The following CRTAP variants were observed in gnomAD, a reference collection of about 807,000 sequenced individuals.
The protein encoded by CRTAP is cartilage associated protein.
A neutral mutation model predicts 42.7 loss-of-function variants in CRTAP; 33 were observed. The ratio of observed to expected loss-of-function variants is 0.77; its 90% CI spans 0.59 to 1.03. The LOEUF is 1.03. CRTAP is among the 50% of genes least tolerant of loss of function. CRTAP has a pLI of 0.00. For synonymous variants in CRTAP, 243 were observed against 217.7 expected (o/e 1.12, Z -1.02); for missense variants, 613 against 533.9 (o/e 1.15, Z -1.46).
chr3:33,134,660 C>T (rs2030370447), intron 6 of CRTAP, among the ~76,000 whole-genome samples: 1 of 152,198 alleles, frequency 6.6e-6, no homozygotes, highest in African/African-American at 2.4e-5. Context: ...TGCATCTTTA[C>T]TGTAAGCATT....
intron 3 of CRTAP, among the ~76,000 whole-genome samples, chr3:33,127,247 A>T (rs944199456): frequency 6.6e-6 from 1 of 151,704 alleles, no homozygotes; most frequent in Non-Finnish European, 1.5e-5. Context: ...CACAGTATAG[A>T]TATATAGATA....
At chr3:33,129,758 G>C (rs188802874) in intron 3 of CRTAP, among the ~76,000 whole-genome samples, 181 bp from the exon 4 acceptor site, 1 of 151,766 alleles carries the variant, frequency 6.6e-6, no homozygotes, top group Non-Finnish European at 1.5e-5. Context: ...GGATGGTCTC[G>C]ATCCTCCTGA....
Position 33,143,333 on chromosome 3 carries a change from G to T in CRTAP, c.*885G>T, listed in dbSNP as rs1273543680. On this transcript the variant is annotated 3_prime_UTR_variant, in exon 7 of 7. Coordinates refer to ENST00000320954, the MANE Select transcript of CRTAP (RefSeq NM_006371.5). ...TAGCACCCACTGAAAAACAAGTTGAGTAGAGAGTGTAGAGTGCAGAAATGT... is the reference window on the plus strand; with the variant it reads ...TAGCACCCACTGAAAAACAAGTTGATTAGAGAGTGTAGAGTGCAGAAATGT... 6.6e-6 allele frequency: 1 copy of T among 152,236 alleles called. No homozygotes were observed. 9.4% of individuals were successfully genotyped at this position (152,236 alleles called of 1,614,324 possible). A position where few individuals can be genotyped will look rare whatever the true frequency, so the allele number is the denominator to read the frequency against.
chr3:33,136,669 G>C (rs1229031000), intron 6 of CRTAP, among the ~76,000 whole-genome samples: 2 of 152,160 alleles, frequency 1.3e-5, no homozygotes, highest in Admixed American at 1.3e-4. Flanking sequence ...GGAAGCTTAT[G>C]GTCATGGCAA....
At chr3:33,137,972 C>T (rs2030470550) in intron 6 of CRTAP, among the ~76,000 whole-genome samples, 1 of 152,164 alleles carries the variant, frequency 6.6e-6, no homozygotes, top group Non-Finnish European at 1.5e-5. Context: ...ATTGAATTGT[C>T]TTGGTACCCT....
In CRTAP at chr3:33,132,981, G is replaced by A. The variant is rs536610914; in HGVS notation, c.1068+281G>A. ...TAGTCCCAGCTACTTGGGAGGCTGA[G>A]GCAGAAGAATCGCTTGAACCCAGGG... On this transcript the variant is annotated intron_variant, in intron 5 of 6. Transcript: ENST00000320954. Among the ~76,000 whole-genome samples the A allele has an allele frequency of 5.9e-4, 63 of 106,530 alleles. 1 individual carries two copies. The highest frequency in any genetic ancestry group is 2.2e-3 in the African/African-American group (54 of 24,274). The allele number at this position is 106,530 out of a possible 152,430, so 69.9% of individuals were successfully genotyped here. A position where few individuals can be genotyped will look rare whatever the true frequency, so the allele number is the denominator to read the frequency against.
At chr3:33,124,379 A>T in intron 2 of CRTAP, 29 bp from the exon 3 acceptor site, 1 of 1,613,272 alleles carries the variant, frequency 6.2e-7, no homozygotes, top group Non-Finnish European at 8.5e-7. Flanking sequence ...CCCAAGAGCG[A>T]GCTTCACTGG....
Position 33,114,565 on chromosome 3 carries a change from C to T in CRTAP, c.471+17C>T, listed in dbSNP as rs1416270960. The T allele has an allele frequency of 2.6e-6, 4 of 1,560,548 alleles. 1 individual carries two copies. The South Asian group carries it at 4.7e-5, about 18-fold the overall frequency. Reference sequence around the variant, plus strand: ...TACTTCAAGGCAAGTCCGCCTCGCCCCGTCCCAGGCCCCGGCCCCGCCCCT... The same window carrying T: ...TACTTCAAGGCAAGTCCGCCTCGCCTCGTCCCAGGCCCCGGCCCCGCCCCT... On this transcript the variant is annotated intron_variant, in intron 1 of 6. Coordinates refer to ENST00000320954, the MANE Select transcript of CRTAP (RefSeq NM_006371.5).
In CRTAP at chr3:33,114,051, C is replaced by T. The variant is rs1047604850; in HGVS notation, c.-27C>T. 1.1e-5 allele frequency: 15 copies of T among 1,356,538 alleles called. No homozygotes were observed. In the African/African-American group the frequency reaches 2.1e-4, roughly 19 times the overall value. 84.0% of individuals were successfully genotyped at this position (1,356,538 alleles called of 1,614,324 possible). On this transcript the variant is annotated 5_prime_UTR_variant, in exon 1 of 7. Coordinates refer to ENST00000320954, the MANE Select transcript of CRTAP (RefSeq NM_006371.5). Reference sequence around the variant, plus strand: ...CCTCCCCTTTTCCCTTCCTTCGTCCCTTCCTTCCTTCCTTTCGCCGGGCGC... The same window carrying T: ...CCTCCCCTTTTCCCTTCCTTCGTCCTTTCCTTCCTTCCTTTCGCCGGGCGC...
At chr3:33,134,039 T>G in intron 5 of CRTAP, 143 bp from the exon 6 acceptor site, 1 of 690,990 alleles carries the variant, frequency 1.4e-6, no homozygotes, top group Non-Finnish European at 2.7e-6. Context: ...GTTAGTATAT[T>G]CAGAGTTGTA....
chr3:33,114,955 T>G (rs183155563), intron 1 of CRTAP, among the ~76,000 whole-genome samples: 7 of 152,306 alleles, frequency 4.6e-5, no homozygotes, highest in Admixed American at 2.6e-4. Context: ...TTTATTTTTA[T>G]TTTTTGTTGA....
intron 6 of CRTAP, among the ~76,000 whole-genome samples, chr3:33,135,724 TTTA>T (rs1276984098): frequency 3.3e-5 from 5 of 152,108 alleles, no homozygotes; most frequent in African/African-American, 7.2e-5. Flanking sequence ...TTTCCATTTT[TTTA>T]TTATTAAAGA....
chr3:33,116,546 A>G (rs1175804225), intron 1 of CRTAP, among the ~76,000 whole-genome samples: 1 of 152,098 alleles, frequency 6.6e-6, no homozygotes, highest in African/African-American at 2.4e-5. Flanking sequence ...TTTAGTAGAG[A>G]TGGGGTTTCA....
intron 6 of CRTAP, 120 bp downstream of exon 6, chr3:33,134,385 A>G: frequency 1.3e-6 from 1 of 746,048 alleles, no homozygotes; most frequent in Non-Finnish European, 2.4e-6. Context: ...ACCTTGAGAA[A>G]GACAGTTCCT....
intron 5 of CRTAP, among the ~76,000 whole-genome samples, chr3:33,133,238 G>T (rs1240643643): frequency 6.7e-6 from 1 of 148,260 alleles, no homozygotes; most frequent in East Asian, 2.0e-4. Context: ...AAATTCTCTC[G>T]TAATCCTACA....
In CRTAP at chr3:33,132,548, A is replaced by G. The variant is rs747344179; in HGVS notation, c.923-7A>G. 6.2e-7 allele frequency: 1 copy of G among 1,613,664 alleles called. No individual in the cohort carries two copies. ...TTTCTTCATTTGTCTTTTCTTCCCA[A>G]CCCTAGTGAACGACCTGAAGAATGC... is the stretch of plus-strand genomic sequence containing the variant. On this transcript the variant is annotated splice_polypyrimidine_tract_variant and splice_region_variant and intron_variant, in intron 4 of 6. Transcript: ENST00000320954.
rs116519163 is a variant in CRTAP, at chr3:33,124,542, G to C, written c.756G>C (p.Glu252Asp). ...TCGCAGCCTGCGAGGGTTCCAGGGA[G>C]ATCAAGGACTTCAAGGATTTCTACC... is the stretch of plus-strand genomic sequence containing the variant. ...ECLAACEGSR[E>D]IKDFKDFYLS... The change falls in exon 3 of 7, where the codon GAG (glutamate) becomes GAC (aspartate). Residue 252 changes from glutamate to aspartate, a missense_variant. Transcript: ENST00000320954. The C allele has an allele frequency of 1.7e-5, 28 of 1,614,122 alleles. No individual in the cohort carries two copies. Among genetic ancestry groups the C allele is most frequent in the Non-Finnish European group, 2.3e-5 (27 of 1,180,046 alleles).
intron 3 of CRTAP, among the ~76,000 whole-genome samples, chr3:33,125,752 T>C (rs1162915938): frequency 2.0e-5 from 3 of 152,202 alleles, no homozygotes; most frequent in Admixed American, 6.5e-5. Context: ...AAGGACTCTT[T>C]GTTTTTTAAA....
At chr3:33,116,024 T>G (rs78549626) in intron 1 of CRTAP, among the ~76,000 whole-genome samples, 2 of 152,212 alleles carry the variant, frequency 1.3e-5, no homozygotes, top group East Asian at 3.8e-4. Context: ...TTTTTTAAGC[T>G]AAAAATGACT....
Sources: allele counts gnomAD v4.1 joint callset (sites outside exome capture counted in the v4.1 genomes callset), GRCh38; gene constraint gnomAD v4.1.1; transcripts MANE v1.5; gene names NCBI Gene and HGNC (gene_info 2026-07-23, HGNC 2026-07-21).